NIPBL: variants seen among roughly 807,000 people sequenced by gnomAD.
NIPBL encodes NIPBL cohesin loading factor.
NIPBL carries 19 observed loss-of-function variants against 321.8 expected under a neutral mutation model. The observed-to-expected ratio is 0.06, with a 90% confidence interval of 0.04 to 0.09. The LOEUF is 0.09. NIPBL is among the 10% of genes least tolerant of loss of function. NIPBL has a pLI of 1.00. For missense variants in NIPBL, 2,210 were observed against 3,327.0 expected (o/e 0.66, Z 8.26); for synonymous variants, 1,106 against 1,114.1 (o/e 0.99, Z 0.14).
rs766468798 is a variant in NIPBL at position 36,984,873 on chromosome 5, A to G, written c.1693A>G (p.Lys565Glu). ...TATAACTCAGGATTCAGACTCCATA[A>G]AAAAGCCTGAAGAAATCAAACAATG... ...ASITQDSDSI[K>E]KPEEIKQCND... Residue 565 changes from lysine to glutamate, a missense_variant, in exon 10 of 47, where the codon AAA (lysine) becomes GAA (glutamate). This residue lies in a region of NIPBL where 588 missense variants were observed against 564.1 expected (regional missense o/e 1.04). Transcript: ENST00000282516. 2.4e-5 allele frequency: 39 copies of G among 1,613,714 alleles called. No individual in the cohort carries two copies. The highest frequency in any genetic ancestry group is 3.3e-5 in the Admixed American group (2 of 59,920).
chr5:36,923,961 T>G (rs1749154735), intron 1 of NIPBL, among the ~76,000 whole-genome samples: 1 of 152,200 alleles, frequency 6.6e-6, no homozygotes, highest in Non-Finnish European at 1.5e-5. Context: ...AGTTCCAAGT[T>G]ATCTGTATTC....
chr5:36,922,927 ATC>A (rs1482980328), intron 1 of NIPBL, among the ~76,000 whole-genome samples: 1 of 152,126 alleles, frequency 6.6e-6, no homozygotes, highest in East Asian at 1.9e-4. Flanking sequence ...TTCCAGTATT[ATC>A]TCTGTAAACA....
At chr5:37,054,193 C>T (rs1178368307) in intron 42 of NIPBL, among the ~76,000 whole-genome samples, 18 of 133,404 alleles carry the variant, frequency 1.3e-4, no homozygotes, top group African/African-American at 5.1e-4. Context: ...GAGACTCCGT[C>T]TCAAAAAAAA....
In NIPBL at chr5:37,044,415, G is replaced by C; in HGVS notation, c.6177G>C (p.Glu2059Asp). 1.2e-6 allele frequency: 2 copies of C among 1,613,764 alleles called. No individual in the cohort carries two copies. The highest frequency in any genetic ancestry group is 2.2e-5 in the East Asian group (1 of 44,842). Residue 2059 changes from glutamate (E) to aspartate (D), a missense_variant, in exon 35 of 47, where the codon GAG becomes GAC. This residue lies in a region of NIPBL where 73 missense variants were observed against 222.3 expected (regional missense o/e 0.33). Transcript: ENST00000282516. ...KILELVVPLMEHPSETFLATI... is the reference protein window; with the variant it reads ...KILELVVPLMDHPSETFLATI... ...TAGAGCTAGTTGTACCACTGATGGA[G>C]CATCCAAGTGAAACTTTTCTTGCCA...
At chr5:36,902,787 T>C (rs1235001257) in intron 1 of NIPBL, among the ~76,000 whole-genome samples, 1 of 152,188 alleles carries the variant, frequency 6.6e-6, no homozygotes. Context: ...TTGGTTTTTT[T>C]TCCTAATTCT....
Position 36,901,386 on chromosome 5 carries a change from G to A in NIPBL, c.-80+24208G>A, listed in dbSNP as rs539978899. On this transcript the variant is annotated intron_variant, in intron 1 of 46. Transcript: ENST00000282516. Reference sequence around the variant, plus strand: ...GTTGATTCCATGTCTTTGCTATTGTGAATAGTGCTGTAGTGAACATACACA... The same window carrying A: ...GTTGATTCCATGTCTTTGCTATTGTAAATAGTGCTGTAGTGAACATACACA... Among the ~76,000 whole-genome samples, 8 of 151,646 alleles carry A rather than the reference G, an allele frequency of 5.3e-5. No homozygotes were observed. In the East Asian group the frequency reaches 1.6e-3, roughly 29 times the overall value.
chr5:37,062,221 C>T (rs1190364583), intron 45 of NIPBL, among the ~76,000 whole-genome samples: 1 of 152,174 alleles, frequency 6.6e-6, no homozygotes, highest in Non-Finnish European at 1.5e-5. Flanking sequence ...TCCGGGGATA[C>T]AGAGGGCTAT....
At chr5:37,008,409 T>G (rs1473472693) in intron 19 of NIPBL, among the ~76,000 whole-genome samples, 2 of 152,142 alleles carry the variant, frequency 1.3e-5, no homozygotes, top group African/African-American at 2.4e-5. Context: ...TGACTGCCTA[T>G]AGCCAAGATT....
At chr5:37,064,379 G>A in intron 46 of NIPBL, 148 bp from the exon 47 acceptor site, 1 of 1,517,934 alleles carries the variant, frequency 6.6e-7, no homozygotes, top group South Asian at 1.2e-5. Context: ...GGCGCTGGCG[G>A]TCACGGTGCG....
At position 37,057,772 on chromosome 5, in the gene NIPBL, A is replaced by G. The variant is rs529195978; in HGVS notation, c.7410+440A>G. On this transcript the variant is annotated intron_variant, in intron 43 of 46. Transcript: ENST00000282516. ...CTTATCCCTCAACTACAGCACCGTTATAGAGTTTGCATATGTGTGCCCAAA... is the reference window on the plus strand; with the variant it reads ...CTTATCCCTCAACTACAGCACCGTTGTAGAGTTTGCATATGTGTGCCCAAA... Among the ~76,000 whole-genome samples, 12 of 152,344 alleles carry G rather than the reference A, an allele frequency of 7.9e-5. No homozygotes were observed. The South Asian group carries it at 1.9e-3, about 24-fold the overall frequency.
chr5:36,896,601 T>TTTTG (rs970284653), intron 1 of NIPBL, among the ~76,000 whole-genome samples: 5 of 152,128 alleles, frequency 3.3e-5, no homozygotes, highest in Non-Finnish European at 7.4e-5. Context: ...TCCTTTAGTG[T>TTTTG]TTTGTTTGTT....
chr5:36,921,209 GA>G (rs57236668), intron 1 of NIPBL, among the ~76,000 whole-genome samples: 452 of 141,644 alleles, frequency 3.2e-3, no homozygotes, highest in African/African-American at 8.3e-3. Flanking sequence ...TTCATCTCCT[GA>G]AAAAAAAAAA....
At position 37,021,629 on chromosome 5, in the gene NIPBL, C is replaced by T. The variant is rs1157871452; in HGVS notation, c.5329-422C>T. On this transcript the variant is annotated intron_variant, in intron 27 of 46. Coordinates refer to ENST00000282516, the MANE Select transcript of NIPBL (RefSeq NM_133433.4). ...CCGGGAGATGGAGGTTGCAGGGAGC[C>T]GAGATTGCGCCACTGCACTCCAGCC... 1.3e-5 allele frequency among the ~76,000 whole-genome samples: 2 copies of T among 152,152 alleles called. 1 individual carries two copies. The highest frequency in any genetic ancestry group is 4.2e-4 in the South Asian group (2 of 4,810).
chr5:36,912,519 T>TG (rs1554059946), intron 1 of NIPBL, among the ~76,000 whole-genome samples: 76 of 150,582 alleles, frequency 5.0e-4, no homozygotes, highest in African/African-American at 1.5e-3. Context: ...TTTTTTTTTT[T>TG]GGGGATGGAA....
At chr5:36,916,472 G>A (rs2149551850) in intron 1 of NIPBL, among the ~76,000 whole-genome samples, 1 of 152,098 alleles carries the variant, frequency 6.6e-6, no homozygotes, top group African/African-American at 2.4e-5. Flanking sequence ...ACAGCATTTT[G>A]TTTTTTGAGT....
At chr5:37,005,451 CGTAACA>C (rs1183406024) in intron 16 of NIPBL, among the ~76,000 whole-genome samples, 1 of 152,000 alleles carries the variant, frequency 6.6e-6, no homozygotes, top group East Asian at 1.9e-4. Context: ...CCCTAAAAAC[CGTAACA>C]GTATTTAATA....
At chr5:36,994,481 T>G (rs1359451647) in intron 10 of NIPBL, among the ~76,000 whole-genome samples, 2 of 152,182 alleles carry the variant, frequency 1.3e-5, no homozygotes, top group Non-Finnish European at 2.9e-5. Context: ...CTATTTACTT[T>G]TCTGTCATGA....
intron 1 of NIPBL, among the ~76,000 whole-genome samples, chr5:36,923,426 G>T (rs1438941744): frequency 6.6e-6 from 1 of 152,084 alleles, no homozygotes; most frequent in Non-Finnish European, 1.5e-5. Flanking sequence ...ACATTATCTT[G>T]ATATCTCTTG....
At chr5:37,033,730 A>AT (rs58081432) in intron 32 of NIPBL, among the ~76,000 whole-genome samples, 301 of 21,504 alleles carry the variant, frequency 0.014, 14 homozygotes, top group South Asian at 0.024. Context: ...ATATATATAT[A>AT]TTTTTTTTTT....
Sources: gnomAD v4.1 joint callset for allele counts (sites outside exome capture counted in the v4.1 genomes callset) on GRCh38, gnomAD v4.1.1 for gene constraint, gnomAD v4.1.1 regional missense constraint, MANE v1.5 for transcripts, NCBI Gene and HGNC (gene_info 2026-07-23, HGNC 2026-07-21) for gene names.